The following HNRNPA1L2 variants were observed in gnomAD, a reference collection of about 807,000 sequenced individuals.
HNRNPA1L2 encodes heterogeneous nuclear ribonucleoprotein A1 like 2.
Under a neutral mutation model 18.2 loss-of-function variants are expected in HNRNPA1L2, and 10 were observed. That is an observed-to-expected ratio of 0.55 (90% CI 0.34 to 0.93). HNRNPA1L2 has a LOEUF of 0.93. Among genes scored for constraint, HNRNPA1L2 ranks in the 40% least tolerant of loss-of-function variants. The pLI, the probability that HNRNPA1L2 is intolerant of heterozygous loss-of-function variation, is 0.02. For synonymous variants in HNRNPA1L2, 124 were observed against 138.6 expected (o/e 0.89, Z 0.74); for missense variants, 308 against 394.4 (o/e 0.78, Z 1.85).
chr13:52,636,145 A>G, the HNRNPA1L2 span, among the ~76,000 whole-genome samples: 13 of 152,072 alleles, frequency 8.5e-5, no homozygotes, highest in African/African-American at 3.1e-4. Flanking sequence ...GATGTATTAC[A>G]TTTTTGTACC....
the HNRNPA1L2 span, among the ~76,000 whole-genome samples, chr13:52,626,364 G>C: frequency 6.6e-6 from 1 of 151,036 alleles, no homozygotes; most frequent in East Asian, 1.9e-4. Context: ...GATGATGTGG[G>C]AGGATTGCTT....
the HNRNPA1L2 span, among the ~76,000 whole-genome samples, chr13:52,634,344 C>A: frequency 6.6e-6 from 1 of 152,248 alleles, no homozygotes; most frequent in Non-Finnish European, 1.5e-5. Context: ...ATAAAATAAT[C>A]TTATTTCTAA....
At chr13:52,635,674 C>G in the HNRNPA1L2 span, among the ~76,000 whole-genome samples, 1 of 151,732 alleles carries the variant, frequency 6.6e-6, no homozygotes, top group Admixed American at 6.6e-5. Context: ...TAAGTTGCAT[C>G]TCTTAGAATT....
chr13:52,631,225 A>G, the HNRNPA1L2 span, among the ~76,000 whole-genome samples: 15 of 152,182 alleles, frequency 9.9e-5, no homozygotes, highest in Admixed American at 9.8e-4. Flanking sequence ...TGGCACTGCC[A>G]CTGACTAATT....
the HNRNPA1L2 span, among the ~76,000 whole-genome samples, chr13:52,619,919 CAAAAAAAA>C: frequency 5.6e-4 from 39 of 69,146 alleles, no homozygotes; most frequent in Admixed American, 1.1e-3. Context: ...GATTCCGTCT[CAAAAAAAA>C]AAAAAAAAAA....
the HNRNPA1L2 span, among the ~76,000 whole-genome samples, chr13:52,633,424 T>C: frequency 1.3e-5 from 2 of 152,226 alleles, no homozygotes; most frequent in Non-Finnish European, 2.9e-5. Flanking sequence ...ATGAGTGTCC[T>C]CTTGCTTGGC....
chr13:52,632,187 A>G, the HNRNPA1L2 span, among the ~76,000 whole-genome samples: 1 of 152,188 alleles, frequency 6.6e-6, no homozygotes, highest in South Asian at 2.1e-4. Context: ...TAATCTTTTC[A>G]GTTGGATATT....
chr13:52,619,709 A>C, the HNRNPA1L2 span, among the ~76,000 whole-genome samples: 9,308 of 151,884 alleles, frequency 0.061, 324 homozygotes, highest in African/African-American at 0.095. Context: ...ATCACAAGGT[A>C]AGGAGATCCA....
the HNRNPA1L2 span, chr13:52,629,432 T>G: frequency 2.0e-5 from 4 of 198,598 alleles, no homozygotes. Context: ...TTTACCTTAT[T>G]GTGGGTGTGT....
the HNRNPA1L2 span, among the ~76,000 whole-genome samples, chr13:52,623,246 C>T: frequency 0.022 from 3,420 of 152,122 alleles, 141 homozygotes; most frequent in African/African-American, 0.079. Context: ...CCCCTCATGC[C>T]CTTTATTTTA....
chr13:52,642,338 C>A, upstream of HNRNPA1L2: 1 of 981,044 alleles, frequency 1.0e-6, no homozygotes, highest in Non-Finnish European at 1.5e-6. Flanking sequence ...AATGTTCAGG[C>A]CCATATGAAA....
At chr13:52,626,545 T>C in the HNRNPA1L2 span, among the ~76,000 whole-genome samples, 2 of 152,178 alleles carry the variant, frequency 1.3e-5, no homozygotes, top group Non-Finnish European at 2.9e-5. Flanking sequence ...CTTTTTCTTA[T>C]GAAAAATTTA....
chr13:52,623,927 T>C, the HNRNPA1L2 span, among the ~76,000 whole-genome samples: 13 of 152,300 alleles, frequency 8.5e-5, no homozygotes, highest in Admixed American at 2.0e-4. Context: ...GCTGGAATCA[T>C]CTGAAGTTTG....
At chr13:52,628,609 T>A in the HNRNPA1L2 span, among the ~76,000 whole-genome samples, 1 of 152,198 alleles carries the variant, frequency 6.6e-6, no homozygotes, top group African/African-American at 2.4e-5. Context: ...AGATACTGAT[T>A]GTACTTTCTG....
At chr13:52,634,779 G>C in the HNRNPA1L2 span, among the ~76,000 whole-genome samples, 4 of 152,214 alleles carry the variant, frequency 2.6e-5, no homozygotes, top group Non-Finnish European at 2.9e-5. Context: ...TCAACAGAAA[G>C]AGTGTTGGTG....
chr13:52,639,981 T>C (rs1269996589), upstream of HNRNPA1L2, among the ~76,000 whole-genome samples: 2 of 143,578 alleles, frequency 1.4e-5, no homozygotes, highest in African/African-American at 5.1e-5. Flanking sequence ...AACTGTCACC[T>C]CCCAGGGTTC....
At chr13:52,622,692 C>T in the HNRNPA1L2 span, among the ~76,000 whole-genome samples, 54 of 152,320 alleles carry the variant, frequency 3.5e-4, no homozygotes, top group Admixed American at 7.2e-4. Context: ...AAGTTTAGCA[C>T]GTTGATTACA....
At chr13:52,623,174 A>AACAC in the HNRNPA1L2 span, among the ~76,000 whole-genome samples, 1 of 152,206 alleles carries the variant, frequency 6.6e-6, no homozygotes, top group Non-Finnish European at 1.5e-5. Context: ...GGAAGTAAAT[A>AACAC]ACACAAACAT....
the HNRNPA1L2 span, among the ~76,000 whole-genome samples, chr13:52,626,388 C>A: frequency 6.9e-6 from 1 of 145,284 alleles, no homozygotes; most frequent in Non-Finnish European, 1.5e-5. Flanking sequence ...CCCAGGACTT[C>A]GAGGCCAGAC....
Sources: gnomAD v4.1 joint callset for allele counts (sites outside exome capture counted in the v4.1 genomes callset) on GRCh38, gnomAD v4.1.1 for gene constraint, MANE v1.5 for transcripts, NCBI Gene and HGNC (gene_info 2026-07-23, HGNC 2026-07-21) for gene names.